Variants in KDM2B observed in about 807,000 individuals in gnomAD.
KDM2B encodes the protein lysine-specific demethylase 2B.
In KDM2B, 26 loss-of-function variants were observed where a neutral mutation model predicts 150.0. The observed-to-expected ratio is 0.17, with a 90% confidence interval of 0.13 to 0.24. The LOEUF is 0.24. Among genes scored for constraint, KDM2B ranks in the 10% least tolerant of loss-of-function variants. KDM2B has a pLI of 1.00. For synonymous variants in KDM2B, 734 were observed against 729.5 expected (o/e 1.01, Z -0.10); for missense variants, 1,265 against 1,816.9 (o/e 0.70, Z 5.52).
At chr12:121,483,349 C>A (rs535063241) in intron 12 of KDM2B, among the ~76,000 whole-genome samples, 11 of 151,902 alleles carry the variant, frequency 7.2e-5, no homozygotes, top group Non-Finnish European at 1.3e-4. Flanking sequence ...TCACATATGT[C>A]CAGTCAACCA....
downstream of KDM2B, among the ~76,000 whole-genome samples, chr12:121,428,605 A>C (rs1555284607): frequency 6.6e-6 from 1 of 152,172 alleles, no homozygotes; most frequent in Non-Finnish European, 1.5e-5. Context: ...CTGAGGAAGG[A>C]GGTTGGTTAC....
At chr12:121,477,038 A>G (rs2139850634) in intron 12 of KDM2B, among the ~76,000 whole-genome samples, 1 of 152,296 alleles carries the variant, frequency 6.6e-6, no homozygotes, top group Admixed American at 6.5e-5. Context: ...GACATTCTTC[A>G]AAGATCATTT....
At chr12:121,449,908 CAG>C (rs1259661059) in intron 13 of KDM2B, among the ~76,000 whole-genome samples, 1 of 152,202 alleles carries the variant, frequency 6.6e-6, no homozygotes, top group Non-Finnish European at 1.5e-5. Flanking sequence ...AAAGAACTGA[CAG>C]AGTGAAAAGG....
downstream of KDM2B, among the ~76,000 whole-genome samples, chr12:121,428,240 T>G (rs1213397504): frequency 1.3e-5 from 2 of 152,146 alleles, no homozygotes; most frequent in East Asian, 3.9e-4. Flanking sequence ...GTCGCCAGGC[T>G]GGAGTATAAT....
At chr12:121,420,328 G>A in the KDM2B span, 1 of 1,564,874 alleles carries the variant, frequency 6.4e-7, no homozygotes. Flanking sequence ...AAAACGCAGA[G>A]GATCGGGTGA....
In KDM2B at chr12:121,468,872, C is replaced by T. The variant is rs908177839; in HGVS notation, c.1735-15528G>A. ...AAATCCCAGTCGACTTGCTCTTTGC[C>T]GAAACGTATCTGTTCTGAGTTTCCT... On this transcript the variant is annotated intron_variant, in intron 12 of 22. Coordinates refer to ENST00000377071, the MANE Select transcript of KDM2B (RefSeq NM_032590.5). The surrounding 1 kb of genome is among the most constrained non-coding windows in gnomAD (Gnocchi z 4.0). 23 of 151,856 alleles carry T rather than the reference C, an allele frequency of 1.5e-4. No homozygotes were observed. Among genetic ancestry groups the T allele is most frequent in the Middle Eastern group, 3.4e-3 (1 of 294 alleles). 9.4% of individuals were successfully genotyped at this position (151,856 alleles called of 1,614,324 possible).
chr12:121,461,666 A>G (rs1274842731), intron 12 of KDM2B, among the ~76,000 whole-genome samples: 1 of 152,150 alleles, frequency 6.6e-6, no homozygotes, highest in African/African-American at 2.4e-5. Context: ...AGAAACAAGG[A>G]CTGCTGTGGG....
intron 4 of KDM2B, among the ~76,000 whole-genome samples, chr12:121,550,517 T>C (rs185993386): frequency 1.1e-4 from 16 of 152,216 alleles, no homozygotes; most frequent in Non-Finnish European, 2.2e-4. Context: ...TTAACTTTCC[T>C]TTTTACTCTG....
chr12:121,441,362 T>G, intron 19 of KDM2B, 129 bp from the exon 20 acceptor site: 1 of 825,380 alleles, frequency 1.2e-6, no homozygotes, highest in Non-Finnish European at 1.9e-6. Context: ...TGGACCCTTC[T>G]CTATGTAGCA....
intron 22 of KDM2B, among the ~76,000 whole-genome samples, chr12:121,434,601 A>C (rs1873656844): frequency 6.6e-6 from 1 of 152,126 alleles, no homozygotes; most frequent in African/African-American, 2.4e-5. Context: ...GCATTCAATG[A>C]AGTAATAAAT....
chr12:121,456,908 C>A (rs1295650116), intron 12 of KDM2B, among the ~76,000 whole-genome samples: 3 of 152,178 alleles, frequency 2.0e-5, no homozygotes, highest in African/African-American at 7.2e-5. Flanking sequence ...GAGGCCCTGT[C>A]TAGCCGCTGC....
upstream of KDM2B, chr12:121,581,057 C>T: frequency 9.5e-7 from 1 of 1,055,974 alleles, no homozygotes; most frequent in Non-Finnish European, 1.3e-6. Flanking sequence ...CTTTGCAGTC[C>T]GCAGCTGACC....
In KDM2B at chr12:121,564,315, G is replaced by A. The variant is rs138220976; in HGVS notation, c.397+10232C>T. ...TACTAAAAATACAAAAAAATTAGCC[G>A]GGCGTGGTGGCGGGCACCTGAAGTC... On this transcript the variant is annotated intron_variant, in intron 4 of 22. Coordinates refer to ENST00000377071, the MANE Select transcript of KDM2B (RefSeq NM_032590.5). Among the ~76,000 whole-genome samples, 173 of 151,430 alleles carry A rather than the reference G, an allele frequency of 1.1e-3. 4 individuals are homozygous for A. The East Asian group carries it at 0.025, about 22-fold the overall frequency.
chr12:121,559,583 CAG>C (rs1797737049), intron 4 of KDM2B, among the ~76,000 whole-genome samples: 2 of 152,016 alleles, frequency 1.3e-5, no homozygotes. Flanking sequence ...AGGGAGAATC[CAG>C]AGAGTGAAAG....
chr12:121,480,927 TTG>T (rs1882044519), intron 12 of KDM2B, among the ~76,000 whole-genome samples: 1 of 119,154 alleles, frequency 8.4e-6, no homozygotes, highest in African/African-American at 3.0e-5. Flanking sequence ...GGTGTTTTTT[TTG>T]TTGTTTTTTT....
chr12:121,485,362 T>A (rs1487217739), intron 12 of KDM2B, among the ~76,000 whole-genome samples: 1 of 152,060 alleles, frequency 6.6e-6, no homozygotes, highest in African/African-American at 2.4e-5. Flanking sequence ...TAACCCGAAG[T>A]CGCCCTGTAA....
intron 12 of KDM2B, among the ~76,000 whole-genome samples, chr12:121,485,358 G>A (rs1215730821): frequency 2.0e-5 from 3 of 152,030 alleles, no homozygotes; most frequent in Non-Finnish European, 2.9e-5. Flanking sequence ...ACACTAACCC[G>A]AAGTCGCCCT....
chr12:121,570,701 AC>A (rs1566431343), intron 4 of KDM2B, among the ~76,000 whole-genome samples: 1 of 151,948 alleles, frequency 6.6e-6, no homozygotes, highest in African/African-American at 2.4e-5. Flanking sequence ...GGAAACCAGA[AC>A]CCCTACACAC....
At chr12:121,536,842 G>A (rs1555308818) in intron 6 of KDM2B, among the ~76,000 whole-genome samples, 1 of 152,064 alleles carries the variant, frequency 6.6e-6, no homozygotes, top group African/African-American at 2.4e-5. Context: ...ACAGGAGCTC[G>A]CCTCTTGGGC....
Sources: gnomAD v4.1 joint callset for allele counts (sites outside exome capture counted in the v4.1 genomes callset) on GRCh38, gnomAD v4.1.1 for gene constraint, Gnocchi (gnomAD v3.1) non-coding constraint, MANE v1.5 for transcripts, NCBI Gene and HGNC (gene_info 2026-07-23, HGNC 2026-07-21) for gene names.